Variants in PTPRQ observed in about 807,000 individuals in gnomAD.
PTPRQ encodes the protein phosphatidylinositol phosphatase PTPRQ.
Under a neutral mutation model 246.0 loss-of-function variants are expected in PTPRQ, and 199 were observed. The ratio of observed to expected loss-of-function variants is 0.81; its 90% confidence interval spans 0.72 to 0.91. The LOEUF (loss-of-function observed/expected upper bound fraction) is 0.91, where lower values mean the gene tolerates loss of function less well. Ranked by LOEUF, PTPRQ falls within the 40% of genes least tolerant of loss-of-function variation. PTPRQ has a pLI of 0.00. For missense variants in PTPRQ, 2,624 were observed against 2,528.4 expected, an observed-to-expected ratio of 1.04 and a Z score of -0.81; for synonymous variants, 869 against 853.2, an observed-to-expected ratio of 1.02 and a Z score of -0.32.
At chr12:80,548,804 G>T (rs1336663679) in intron 24 of PTPRQ, among the ~76,000 whole-genome samples, 2 of 151,962 alleles carry the variant, frequency 1.3e-5, no homozygotes, top group Non-Finnish European at 2.9e-5. Context: ...CACTTTGGTG[G>T]GCTAGGATAT....
At chr12:80,454,731 G>A (rs1178698047) in intron 3 of PTPRQ, among the ~76,000 whole-genome samples, 3 of 151,904 alleles carry the variant, frequency 2.0e-5, no homozygotes, top group African/African-American at 7.3e-5. Flanking sequence ...CGATCATATG[G>A]CTAACAGGGC....
chr12:80,466,112 G>T (rs1402171737), intron 6 of PTPRQ, among the ~76,000 whole-genome samples: 2 of 152,106 alleles, frequency 1.3e-5, no homozygotes, highest in African/African-American at 4.8e-5. Flanking sequence ...AAACCCCATC[G>T]TCTCAGCCCA....
At chr12:80,564,480 T>G (rs1461906263) in intron 25 of PTPRQ, among the ~76,000 whole-genome samples, 8 of 152,140 alleles carry the variant, frequency 5.3e-5, no homozygotes, top group Admixed American at 3.9e-4. Flanking sequence ...AGTTCATCCA[T>G]GGGTATATTT....
chr12:80,624,239 A>T (rs2121144583), intron 33 of PTPRQ, among the ~76,000 whole-genome samples: 1 of 152,306 alleles, frequency 6.6e-6, no homozygotes, highest in South Asian at 2.1e-4. Context: ...TGTAGACTGG[A>T]CACAATATAT....
At chr12:80,477,365 A>G (rs1893845916) in intron 8 of PTPRQ, among the ~76,000 whole-genome samples, 1 of 152,170 alleles carries the variant, frequency 6.6e-6, no homozygotes, top group Non-Finnish European at 1.5e-5. Context: ...TGAAACCATC[A>G]AGATTTCAAC....
chr12:80,486,496 C>T (rs12184469), intron 9 of PTPRQ, among the ~76,000 whole-genome samples: 80,014 of 152,032 alleles, frequency 0.53, 23,859 homozygotes, highest in Non-Finnish European at 0.67. Context: ...GGTTCTTGGC[C>T]TGACTCTGCC....
At chr12:80,452,674 A>G (rs932416524) in intron 3 of PTPRQ, among the ~76,000 whole-genome samples, 1 of 152,136 alleles carries the variant, frequency 6.6e-6, no homozygotes, top group African/African-American at 2.4e-5. Flanking sequence ...TCTTTTCTTT[A>G]AGAATGTTGA....
At chr12:80,611,958 C>G (rs1414695289) in intron 28 of PTPRQ, among the ~76,000 whole-genome samples, 2 of 150,382 alleles carry the variant, frequency 1.3e-5, no homozygotes, top group Non-Finnish European at 3.0e-5. Context: ...CTGCTTCTCT[C>G]TCTTTTATTC....
At chr12:80,622,038 A>AT (rs1290219196) in intron 32 of PTPRQ, 23 bp from the exon 33 acceptor site, 4 of 1,317,586 alleles carry the variant, frequency 3.0e-6, no homozygotes, top group Admixed American at 3.5e-5. Flanking sequence ...CAAAGTGTTG[A>AT]TTTTTCTTTT....
At chr12:80,596,636 G>A (rs577483417) in intron 26 of PTPRQ, among the ~76,000 whole-genome samples, 1 of 152,112 alleles carries the variant, frequency 6.6e-6, no homozygotes, top group South Asian at 2.1e-4. Context: ...TCAACAAGAA[G>A]TGTAAAGTAG....
At chr12:80,445,791 C>A in intron 3 of PTPRQ, 74 bp downstream of exon 3, 1 of 982,994 alleles carries the variant, frequency 1.0e-6, no homozygotes, top group Non-Finnish European at 1.6e-6. Flanking sequence ...GTTTTTCTCA[C>A]CTTGTCAAGC....
chr12:80,628,968 C>T (rs1899310881), intron 33 of PTPRQ, among the ~76,000 whole-genome samples: 2 of 152,038 alleles, frequency 1.3e-5, no homozygotes, highest in South Asian at 4.2e-4. Flanking sequence ...AGTTTATTTC[C>T]TCACAGTCCA....
chr12:80,588,102 C>CT (rs1897676302), intron 25 of PTPRQ, 27 bp from the exon 26 acceptor site: 1 of 1,489,808 alleles, frequency 6.7e-7, no homozygotes, highest in Non-Finnish European at 8.9e-7. Flanking sequence ...ATTGTAACTG[C>CT]TTTTAATTTT....
chr12:80,584,921 T>C (rs1897561972), intron 25 of PTPRQ, among the ~76,000 whole-genome samples: 1 of 152,052 alleles, frequency 6.6e-6, no homozygotes. Flanking sequence ...TCTAATTGCT[T>C]TTCTTCATGA....
At chr12:80,491,852 C>A (rs2120639865) in intron 9 of PTPRQ, among the ~76,000 whole-genome samples, 1 of 151,798 alleles carries the variant, frequency 6.6e-6, no homozygotes, top group South Asian at 2.1e-4. Context: ...TGAGTGAAGA[C>A]AACTCCAAAA....
chr12:80,613,303 G>T (rs1178234288), intron 28 of PTPRQ, among the ~76,000 whole-genome samples: 1 of 150,552 alleles, frequency 6.6e-6, no homozygotes, highest in Non-Finnish European at 1.5e-5. Flanking sequence ...GGGTGACAAA[G>T]GGAGACCCTG....
intron 35 of PTPRQ, among the ~76,000 whole-genome samples, chr12:80,648,194 T>C (rs1184313412): frequency 6.6e-6 from 1 of 152,128 alleles, no homozygotes; most frequent in Non-Finnish European, 1.5e-5. Flanking sequence ...GAAAAAGTCA[T>C]ATGTTCCTTA....
chr12:80,546,642 A>G lies in PTPRQ; in HGVS notation c.3960A>G (p.Lys1320=). ...CTATCCGTGTATCTGCGTTCACCAA[A>G]GTTGGAAATGGCAATCAATTTAGTA... The part of the protein sequence containing the change: ...TYSIRVSAFT[K]VGNGNQFSNV... Residue 1320 remains lysine (K), a synonymous_variant, in exon 24 of 45, where the codon AAA becomes AAG. Coordinates refer to ENST00000644991, the MANE Select transcript of PTPRQ (RefSeq NM_001145026.2). 1 of 1,551,534 alleles carries G rather than the reference A, an allele frequency of 6.4e-7. No homozygotes were observed. Among genetic ancestry groups the G allele is most frequent in the East Asian group, 2.4e-5 (1 of 40,878 alleles).
At position 80,444,790 on chromosome 12, in the gene PTPRQ, C is replaced by T. The variant is rs1892502922; in HGVS notation, c.104C>T (p.Ser35Phe). 3.9e-6 allele frequency: 6 copies of T among 1,540,168 alleles called. No individual in the cohort carries two copies. Among genetic ancestry groups the T allele is most frequent in the South Asian group, 1.2e-5 (1 of 83,500 alleles). The change falls in exon 2 of 45, where the codon TCT becomes TTT. Residue 35 changes from serine to phenylalanine, a missense_variant. Physicochemically the swap from Ser to Phe is radical, Grantham distance 155 (BLOSUM62 -2). Coordinates refer to ENST00000644991, the MANE Select transcript of PTPRQ (RefSeq NM_001145026.2). ...GGTACTAGGTACGATATAACCATCT[C>T]TTCAATTTCTACAACATACACCTCA... ...VPGTRYDITI[S>F]SISTTYTSPV...
Sources: allele counts gnomAD v4.1 joint callset (sites outside exome capture counted in the v4.1 genomes callset), GRCh38; gene constraint gnomAD v4.1.1; transcripts MANE v1.5; gene names NCBI Gene and HGNC (gene_info 2026-07-23, HGNC 2026-07-21).